Variants in ZNF407 observed in about 807,000 individuals in gnomAD.
The protein encoded by ZNF407 is zinc finger protein 407.
In ZNF407, 17 loss-of-function variants were observed where a neutral mutation model predicts 131.2. That is an observed-to-expected ratio of 0.13 (90% CI 0.09 to 0.19). ZNF407 has a LOEUF of 0.19. Among genes scored for constraint, ZNF407 ranks in the 10% least tolerant of loss-of-function variants. The probability of loss-of-function intolerance (pLI) is 1.00; values close to 1 mark genes in which losing one functional copy is unlikely to be tolerated. For missense variants in ZNF407, 2,681 were observed against 2,830.6 expected (o/e 0.95, Z 1.20); for synonymous variants, 1,156 against 1,062.0 (o/e 1.09, Z -1.72).
At chr18:74,704,377 A>G (rs181449002) in intron 3 of ZNF407, among the ~76,000 whole-genome samples, 1 of 152,330 alleles carries the variant, frequency 6.6e-6, no homozygotes, top group Admixed American at 6.5e-5. Context: ...TAAACAGGAT[A>G]TAATGAAATA....
At chr18:74,687,647 T>C (rs549740499) in intron 3 of ZNF407, among the ~76,000 whole-genome samples, 80 of 152,322 alleles carry the variant, frequency 5.3e-4, no homozygotes, top group African/African-American at 1.8e-3. Flanking sequence ...CACTGTTAAA[T>C]TAATATCTAT....
At chr18:74,835,500 G>A (rs950660839) in intron 4 of ZNF407, among the ~76,000 whole-genome samples, 1 of 152,092 alleles carries the variant, frequency 6.6e-6, no homozygotes, top group African/African-American at 2.4e-5. Flanking sequence ...GGCAAGATAG[G>A]GGAGATTTTG....
At chr18:74,800,727 T>G (rs1970005668) in intron 4 of ZNF407, among the ~76,000 whole-genome samples, 1 of 152,164 alleles carries the variant, frequency 6.6e-6, no homozygotes, top group Non-Finnish European at 1.5e-5. Context: ...TGAAAGTTTT[T>G]GATTAGTTTG....
chr18:74,695,192 T>A (rs1358940170), intron 3 of ZNF407, among the ~76,000 whole-genome samples: 1 of 152,208 alleles, frequency 6.6e-6, no homozygotes, highest in Non-Finnish European at 1.5e-5. Context: ...TGCTCTTGGA[T>A]AAGCGATATG....
chr18:74,833,187 A>G (rs766180511), intron 4 of ZNF407, among the ~76,000 whole-genome samples: 11 of 152,360 alleles, frequency 7.2e-5, no homozygotes, highest in Non-Finnish European at 2.9e-5. Flanking sequence ...TCTAACCACA[A>G]GACAGAACAG....
intron 4 of ZNF407, among the ~76,000 whole-genome samples, chr18:74,866,740 TATTATTTTATTCATTG>T (rs1358083637): frequency 2.0e-5 from 3 of 150,146 alleles, no homozygotes; most frequent in African/African-American, 7.3e-5. Flanking sequence ...TCGGTAGAAA[TATTATTTTATTCATTG>T]ATTATTTTAT....
intron 3 of ZNF407, among the ~76,000 whole-genome samples, chr18:74,752,025 C>T (rs1185686295): frequency 6.6e-6 from 1 of 152,216 alleles, no homozygotes; most frequent in Non-Finnish European, 1.5e-5. Context: ...ATATCCTCTC[C>T]AGCACCTGTT....
chr18:74,894,763 TTAAA>T (rs1323202064), intron 7 of ZNF407, among the ~76,000 whole-genome samples: 1 of 152,160 alleles, frequency 6.6e-6, no homozygotes, highest in African/African-American at 2.4e-5. Flanking sequence ...ACATTGCACT[TTAAA>T]TGTTAATTTA....
Position 74,703,825 on chromosome 18 carries a change from GATTA to G in ZNF407, c.4802+62710_4802+62713del, listed in dbSNP as rs1332108904. On this transcript the variant is annotated intron_variant, in intron 3 of 8. Coordinates refer to ENST00000299687, the MANE Select transcript of ZNF407 (RefSeq NM_017757.3). This position sits in a 1 kb window ranked among gnomAD's most constrained non-coding sequence, Gnocchi z 4.1. Reference sequence around the variant, plus strand: ...CTCTTTCTAAATATACAGTTTTGTTGATTAATTAATCATTTAATATTCTTAGGTA... The same window carrying G: ...CTCTTTCTAAATATACAGTTTTGTTGATTAATCATTTAATATTCTTAGGTA... 6.6e-6 allele frequency among the ~76,000 whole-genome samples: 1 copy of G among 152,008 alleles called. No individual in the cohort carries two copies. Among genetic ancestry groups the G allele is most frequent in the East Asian group, 1.9e-4 (1 of 5,182 alleles).
chr18:74,743,998 T>G (rs372475128), intron 3 of ZNF407, among the ~76,000 whole-genome samples: 5 of 152,324 alleles, frequency 3.3e-5, no homozygotes, highest in South Asian at 4.1e-4. Flanking sequence ...ATGTACTACA[T>G]AAGACATTCA....
chr18:74,886,206 A>T (rs1971306325), intron 6 of ZNF407, among the ~76,000 whole-genome samples: 1 of 152,216 alleles, frequency 6.6e-6, no homozygotes, highest in Non-Finnish European at 1.5e-5. Context: ...AGATAAGCAC[A>T]TGGAAAGATC....
intron 8 of ZNF407, among the ~76,000 whole-genome samples, chr18:75,000,858 C>T (rs972091127): frequency 2.6e-5 from 4 of 152,090 alleles, no homozygotes; most frequent in East Asian, 1.9e-4. Flanking sequence ...ATATGTGCAT[C>T]GAATGCTTGG....
rs1221634377 is a variant in ZNF407, at chr18:74,979,872, C to T, written c.5428+59180C>T. ...TCAAAAACTTGGATTTTTGGAGGGA[C>T]CTCACAAAAAGCACTAATCCAGCTG... On this transcript the variant is annotated intron_variant, in intron 8 of 8. Coordinates refer to ENST00000299687, the MANE Select transcript of ZNF407 (RefSeq NM_017757.3). 2.0e-5 allele frequency among the ~76,000 whole-genome samples: 3 copies of T among 152,068 alleles called. No homozygotes were observed. In the East Asian group the frequency reaches 5.8e-4, roughly 29 times the overall value.
intron 3 of ZNF407, among the ~76,000 whole-genome samples, chr18:74,727,425 G>C (rs903772829): frequency 6.6e-6 from 1 of 152,042 alleles, no homozygotes; most frequent in Non-Finnish European, 1.5e-5. Context: ...TTGTTTTTTG[G>C]GTTTTGTGAA....
At chr18:74,612,652 A>G (rs910704122) in intron 1 of ZNF407, among the ~76,000 whole-genome samples, 5 of 152,200 alleles carry the variant, frequency 3.3e-5, no homozygotes, top group African/African-American at 4.8e-5. Flanking sequence ...TGTGCCAGGC[A>G]CTGATATGAA....
At chr18:74,636,539 G>A (rs1382887430) in intron 2 of ZNF407, among the ~76,000 whole-genome samples, 1 of 152,102 alleles carries the variant, frequency 6.6e-6, no homozygotes, top group Non-Finnish European at 1.5e-5. Context: ...TCACATTTCA[G>A]TGAACATATT....
chr18:75,005,126 G>A (rs1449149794), intron 8 of ZNF407, among the ~76,000 whole-genome samples: 1 of 152,196 alleles, frequency 6.6e-6, no homozygotes, highest in African/African-American at 2.4e-5. Context: ...CTTCTATTAT[G>A]GAATGTATTT....
chr18:74,854,835 T>C (rs1970837102), intron 4 of ZNF407, among the ~76,000 whole-genome samples: 1 of 152,168 alleles, frequency 6.6e-6, no homozygotes, highest in African/African-American at 2.4e-5. Flanking sequence ...TTCTGCGGGC[T>C]TCTCTCTGGC....
chr18:74,993,654 A>C (rs189028608), intron 8 of ZNF407, among the ~76,000 whole-genome samples: 440 of 152,350 alleles, frequency 2.9e-3, no homozygotes, highest in Non-Finnish European at 5.4e-3. Flanking sequence ...GGTTTTAAAA[A>C]ATGTTTGAAG....
Sources: gnomAD v4.1 joint callset for allele counts (sites outside exome capture counted in the v4.1 genomes callset) on GRCh38, gnomAD v4.1.1 for gene constraint, Gnocchi (gnomAD v3.1) non-coding constraint, MANE v1.5 for transcripts, NCBI Gene and HGNC (gene_info 2026-07-23, HGNC 2026-07-21) for gene names.